Variants in EYS observed in about 807,000 individuals in gnomAD.
EYS encodes the protein protein eyes shut homolog.
Under a neutral mutation model 282.1 loss-of-function variants are expected in EYS, and 250 were observed. The ratio of observed to expected loss-of-function variants is 0.89; its 90% CI spans 0.80 to 0.98. EYS has a LOEUF of 0.98. EYS is among the 50% of genes least tolerant of loss of function. EYS has a pLI of 0.00. For missense variants in EYS, 4,016 were observed against 3,709.0 expected, an observed-to-expected ratio of 1.08 and a Z score of -2.15; for synonymous variants, 1,355 against 1,282.9, an observed-to-expected ratio of 1.06 and a Z score of -1.20.
intron 2 of EYS, among the ~76,000 whole-genome samples, chr6:65,511,698 A>G (rs964138148): frequency 1.3e-5 from 2 of 152,134 alleles, no homozygotes; most frequent in Admixed American, 6.6e-5. Context: ...CATGCCTATA[A>G]TCTCAGCATT....
intron 12 of EYS, among the ~76,000 whole-genome samples, chr6:65,058,152 T>A (rs1277184643): frequency 6.6e-6 from 1 of 152,078 alleles, no homozygotes; most frequent in Non-Finnish European, 1.5e-5. Context: ...ATGTTATTTG[T>A]TCATTTGTTT....
chr6:64,306,956 T>G lies in EYS; in HGVS notation c.6191+14A>C. ...TTGAACAAGTTATTAGAAAAATCAC[T>G]ACTGCTATTTTACCTGCAATTGTTA... On this transcript the variant is annotated intron_variant, in intron 30 of 42. Transcript: ENST00000503581. The G allele has an allele frequency of 1.7e-6, 2 of 1,198,526 alleles. No homozygotes were observed. Among genetic ancestry groups the G allele is most frequent in the Non-Finnish European group, 2.4e-6 (2 of 828,978 alleles). The allele number at this position is 1,198,526 out of a possible 1,614,324, so 74.2% of individuals were successfully genotyped here.
chr6:64,861,138 C>T (rs1355189036), intron 19 of EYS, among the ~76,000 whole-genome samples: 1 of 152,212 alleles, frequency 6.6e-6, no homozygotes, highest in African/African-American at 2.4e-5. Context: ...TTCATGGTGT[C>T]CAGGCTGTTC....
intron 5 of EYS, among the ~76,000 whole-genome samples, chr6:65,489,091 C>G (rs566230579): frequency 6.6e-6 from 1 of 152,196 alleles, no homozygotes; most frequent in South Asian, 2.1e-4. Context: ...TCTGAAACAC[C>G]AAAAGCAATG....
chr6:63,834,279 C>T (rs866884896), intron 36 of EYS, among the ~76,000 whole-genome samples: 68 of 152,104 alleles, frequency 4.5e-4, no homozygotes, highest in African/African-American at 1.6e-3. Context: ...AGGCACCCTA[C>T]AGAATGGGAG....
intron 22 of EYS, among the ~76,000 whole-genome samples, chr6:64,707,351 A>G (rs937463185): frequency 6.6e-6 from 1 of 152,080 alleles, no homozygotes; most frequent in Non-Finnish European, 1.5e-5. Context: ...GGGGAAAGGG[A>G]GGCAATAGGG....
chr6:63,832,325 C>G (rs1472943820), intron 36 of EYS, among the ~76,000 whole-genome samples: 5 of 151,820 alleles, frequency 3.3e-5, no homozygotes, highest in African/African-American at 1.2e-4. Context: ...GCTAGCAAGA[C>G]TAATAAAGAA....
At chr6:65,360,342 A>G (rs926020445) in intron 8 of EYS, among the ~76,000 whole-genome samples, 1 of 151,974 alleles carries the variant, frequency 6.6e-6, no homozygotes, top group South Asian at 2.1e-4. Flanking sequence ...AAATTAATAA[A>G]GTAAAATCAA....
At chr6:64,687,210 T>C (rs897620660) in intron 22 of EYS, among the ~76,000 whole-genome samples, 4 of 152,106 alleles carry the variant, frequency 2.6e-5, no homozygotes, top group Non-Finnish European at 5.9e-5. Flanking sequence ...GTAACTCTGA[T>C]ACTGAAATCT....
At chr6:65,392,327 T>C (rs1298162149) in intron 7 of EYS, among the ~76,000 whole-genome samples, 1 of 152,000 alleles carries the variant, frequency 6.6e-6, no homozygotes, top group East Asian at 1.9e-4. Flanking sequence ...AAATGGGATC[T>C]AATTAAACTA....
chr6:65,149,370 T>A (rs1203353235), intron 12 of EYS, among the ~76,000 whole-genome samples: 1 of 152,024 alleles, frequency 6.6e-6, no homozygotes, highest in African/African-American at 2.4e-5. Flanking sequence ...ATAGCAAGAG[T>A]TACCTTTGCT....
At chr6:63,742,012 C>T (rs1454828209) in intron 41 of EYS, 1 of 700,900 alleles carries the variant, frequency 1.4e-6, no homozygotes, top group Non-Finnish European at 2.6e-6. Context: ...TTGTCTGCTG[C>T]TATTTGTGGC....
At chr6:64,952,921 T>G (rs897191720) in intron 14 of EYS, among the ~76,000 whole-genome samples, 7 of 151,978 alleles carry the variant, frequency 4.6e-5, no homozygotes, top group Non-Finnish European at 1.0e-4. Flanking sequence ...TGTCTAATGT[T>G]TGACTGAATA....
chr6:64,321,463 A>G (rs965451394), intron 29 of EYS, among the ~76,000 whole-genome samples: 6 of 151,858 alleles, frequency 4.0e-5, no homozygotes, highest in Non-Finnish European at 8.8e-5. Flanking sequence ...TTTTAGCCAC[A>G]AGCTAAAAGT....
chr6:65,481,408 CA>C (rs1309401908), intron 5 of EYS, among the ~76,000 whole-genome samples: 2 of 152,170 alleles, frequency 1.3e-5, no homozygotes, highest in African/African-American at 4.8e-5. Context: ...TTTACACTCT[CA>C]TTTCTCAATA....
chr6:64,262,602 A>G (rs1167140877), intron 30 of EYS, among the ~76,000 whole-genome samples: 1 of 151,942 alleles, frequency 6.6e-6, no homozygotes, highest in Non-Finnish European at 1.5e-5. Flanking sequence ...CCTCCCACTC[A>G]ACCCCCTGGT....
At chr6:64,830,805 GAGCATTCC>G (rs143419963) in intron 19 of EYS, among the ~76,000 whole-genome samples, 2,604 of 152,086 alleles carry the variant, frequency 0.017, 73 homozygotes, top group African/African-American at 0.059. Context: ...ATAAAGTAAT[GAGCATTCC>G]AGGTCCCCAT....
intron 22 of EYS, among the ~76,000 whole-genome samples, chr6:64,723,817 C>T (rs1486236485): frequency 6.6e-6 from 1 of 152,100 alleles, no homozygotes; most frequent in East Asian, 1.9e-4. Flanking sequence ...TTTGTCACAG[C>T]CTCACCCTGT....
chr6:65,051,446 G>T (rs926734711), intron 13 of EYS, among the ~76,000 whole-genome samples: 3 of 151,444 alleles, frequency 2.0e-5, no homozygotes, highest in Non-Finnish European at 3.0e-5. Flanking sequence ...AATTAAAAAT[G>T]TATATATGTA....
Sources: allele counts gnomAD v4.1 joint callset (sites outside exome capture counted in the v4.1 genomes callset), GRCh38; gene constraint gnomAD v4.1.1; transcripts MANE v1.5; gene names NCBI Gene and HGNC (gene_info 2026-07-23, HGNC 2026-07-21).